The following MYO1C variants were observed in gnomAD, a reference collection of about 807,000 sequenced individuals.
The protein encoded by MYO1C is myosin IC.
A neutral mutation model predicts 150.8 loss-of-function variants in MYO1C; 104 were observed. The observed-to-expected ratio is 0.69, with a 90% confidence interval of 0.59 to 0.81. MYO1C has a LOEUF of 0.81. Among genes scored for constraint, MYO1C ranks in the 30% least tolerant of loss-of-function variants. The probability of loss-of-function intolerance (pLI) is 0.00; values close to 1 mark genes in which losing one functional copy is unlikely to be tolerated. For synonymous variants in MYO1C, 663 were observed against 579.9 expected (o/e 1.14, Z -2.06); for missense variants, 1,504 against 1,435.0 (o/e 1.05, Z -0.78).
In MYO1C at chr17:1,470,332, AGCCTGGGGTGG is replaced by A; in HGVS notation, c.2367-9_2368del. 7.3e-7 allele frequency: 1 copy of A among 1,373,290 alleles called. No individual in the cohort carries two copies. The highest frequency in any genetic ancestry group is 9.8e-7 in the Non-Finnish European group (1 of 1,021,078). The allele number at this position is 1,373,290 out of a possible 1,614,324, so 85.1% of individuals were successfully genotyped here. ...GTGGCGCAGGACGAAGCCTCGGATG[AGCCTGGGGTGG>A]GGGGCCAGACAGGGTTGGGGGTGAG... is the stretch of plus-strand genomic sequence containing the variant. On this transcript the variant is annotated splice_acceptor_variant and splice_polypyrimidine_tract_variant and coding_sequence_variant and intron_variant, in exon 24 of 32. Transcript: ENST00000648651. LOFTEE classifies it high-confidence loss of function.
chr17:1,480,908 G>T (rs1163856411), intron 5 of MYO1C, 23 bp from the exon 6 acceptor site: 4 of 1,612,662 alleles, frequency 2.5e-6, no homozygotes, highest in Non-Finnish European at 1.7e-6. Flanking sequence ...CAGGGCATGA[G>T]GCCGGGTCAC....
At chr17:1,472,266 G>A in intron 17 of MYO1C, 38 bp from the exon 18 acceptor site, 1 of 1,583,990 alleles carries the variant, frequency 6.3e-7, no homozygotes, top group Non-Finnish European at 8.7e-7. Context: ...GGCCGGAGCT[G>A]GGCTAAAGCT....
At chr17:1,485,940 C>T (rs2074648097) in intron 1 of MYO1C, 1 of 156,872 alleles carries the variant, frequency 6.4e-6, no homozygotes. Context: ...GGTCCGCGGG[C>T]CGGGGGCGGG....
At chr17:1,472,907 C>T (rs973082736) in intron 17 of MYO1C, among the ~76,000 whole-genome samples, 1 of 152,020 alleles carries the variant, frequency 6.6e-6, no homozygotes, top group East Asian at 1.9e-4. Flanking sequence ...GAGAAAAGAA[C>T]GAGGGGGCCG....
In MYO1C at chr17:1,482,537, G is replaced by A. The variant is rs757159355; in HGVS notation, c.568C>T (p.Leu190Phe). Residue 190 changes from leucine (L) to phenylalanine (F), a missense_variant, in exon 5 of 32, where the codon CTC becomes TTC. Leu to Phe is a conservative substitution (Grantham distance 22). Transcript: ENST00000648651. ...VLEAFGNAKT[L>F]RNDNSSRFGK... The stretch of plus-strand genomic sequence containing the variant: ...AACCTGCTGGAGTTATCGTTCCGGA[G>A]GGTCTTGGCATTTCCAAAGGCCTAG... The A allele has an allele frequency of 3.1e-6, 5 of 1,614,032 alleles. No individual in the cohort carries two copies. The Admixed American group carries it at 6.7e-5, about 22-fold the overall frequency.
chr17:1,485,768 G>GTAGCGCATCCTGCCAGGC, intron 1 of MYO1C: 1 of 1,016,238 alleles, frequency 9.8e-7, no homozygotes, highest in Non-Finnish European at 1.2e-6. Context: ...CCCGGGCTCG[G>GTAGCGCATCCTGCCAGGC]CGGCGGTGGC....
At chr17:1,470,762 C>A in intron 21 of MYO1C, 73 bp from the exon 22 acceptor site, 1 of 1,459,584 alleles carries the variant, frequency 6.9e-7, no homozygotes. Context: ...GTGTGCGCTC[C>A]ACGAGTGGCA....
intron 1 of MYO1C, among the ~76,000 whole-genome samples, chr17:1,490,279 C>T (rs2074713473): frequency 6.6e-6 from 1 of 151,454 alleles, no homozygotes; most frequent in South Asian, 2.1e-4. Flanking sequence ...AGGTGGATCA[C>T]AAGGTCAGGA....
At position 1,470,194 on chromosome 17, in the gene MYO1C, G is replaced by A. The variant is rs1226328963; in HGVS notation, c.2507C>T (p.Pro836Leu). Residue 836 changes from proline to leucine, a missense_variant, in exon 24 of 32, where the codon CCC (proline) becomes CTC (leucine). Physicochemically the swap from Pro to Leu is moderately conservative, Grantham distance 98. Transcript: ENST00000648651. ...ACAGACCTCACGCAGGGCAGGTGGG[G>A]GCGTGGGCCACGAGGTGTCCAGGAC... ...QNVLDTSWPT[P>L]PPALREASEL... 2 of 1,611,108 alleles carry A rather than the reference G, an allele frequency of 1.2e-6. No individual in the cohort carries two copies. The highest frequency in any genetic ancestry group is 3.3e-5 in the Admixed American group (2 of 59,906).
rs551371992 is a variant in MYO1C at position 1,469,944 on chromosome 17, A to G, written c.2526+231T>C. Among the ~76,000 whole-genome samples the G allele has an allele frequency of 1.4e-3, 217 of 152,244 alleles. 1 individual carries two copies. Among genetic ancestry groups the G allele is most frequent in the African/African-American group, 4.8e-3 (199 of 41,536 alleles). ...CAGCTACTCAGGAGGCTGAGGCAGGAGAATCGCTTGAACCCGGGAGGCGGA... is the reference window on the plus strand; with the variant it reads ...CAGCTACTCAGGAGGCTGAGGCAGGGGAATCGCTTGAACCCGGGAGGCGGA... On this transcript the variant is annotated intron_variant, in intron 24 of 31. Transcript: ENST00000648651.
rs1299998210 is a variant in MYO1C, at chr17:1,472,440, G to A, written c.1798-212C>T. ...GGCTGGGCGAGAGACCTCAGTCTAC[G>A]AGCCTCACTCCAGCCTAAAACTCCT... On this transcript the variant is annotated intron_variant, in intron 17 of 31. Transcript: ENST00000648651. 4.0e-5 allele frequency: 23 copies of A among 581,046 alleles called. No homozygotes were observed. The East Asian group carries it at 5.4e-4, about 14-fold the overall frequency. 36.0% of individuals were successfully genotyped at this position (581,046 alleles called of 1,614,324 possible).
rs1193332240 is a variant in MYO1C, at chr17:1,477,596, C to T, written c.1483G>A (p.Asp495Asn). ...EKFKGIISIL[D>N]EECLRPGEAT... ...TCCCCGGGGCGCAGACACTCCTCAT[C>T]CTGGGGGGTGTGGCACAGGGGGAAG... The change falls in exon 14 of 32, where the codon GAT (aspartate) becomes AAT (asparagine). Residue 495 changes from aspartate to asparagine, a missense_variant and splice_region_variant. Transcript: ENST00000648651. The T allele has an allele frequency of 1.2e-6, 2 of 1,612,456 alleles. No homozygotes were observed. Among genetic ancestry groups the T allele is most frequent in the Non-Finnish European group, 1.7e-6 (2 of 1,179,272 alleles).
chr17:1,482,911 G>T lies in MYO1C; in HGVS notation c.496C>A (p.Arg166Ser). The T allele has an allele frequency of 6.2e-7, 1 of 1,611,624 alleles. No homozygotes were observed. Among genetic ancestry groups the T allele is most frequent in the Non-Finnish European group, 8.5e-7 (1 of 1,179,838 alleles). Residue 166 changes from arginine to serine, a missense_variant, in exon 4 of 32, where the codon CGC becomes AGC. Arg to Ser is a moderately radical substitution (Grantham distance 110). Coordinates refer to ENST00000648651, the MANE Select transcript of MYO1C (RefSeq NM_001080779.2). ...AGCCGGTCCCGCACGGCACCTCCGC[G>T]CTCGGGGGCTGGGCAGGTCTCTGCA... ...FYAETCPAPE[R>S]GGAVRDRLLQ...
intron 1 of MYO1C, chr17:1,485,699 C>A: frequency 8.3e-7 from 1 of 1,200,310 alleles, no homozygotes; most frequent in African/African-American, 1.6e-5. Flanking sequence ...CTCACCGACG[C>A]CCGGTAGCGC....
Position 1,467,551 on chromosome 17 carries a change from G to A in MYO1C, c.2994C>T (p.His998=), listed in dbSNP as rs114214340. 1.6e-4 allele frequency: 256 copies of A among 1,613,368 alleles called. 1 individual carries two copies. In the African/African-American group the frequency reaches 2.9e-3, roughly 18 times the overall value. Residue 998 remains histidine, a synonymous_variant, in exon 30 of 32, where the codon CAC becomes CAT. Coordinates refer to ENST00000648651, the MANE Select transcript of MYO1C (RefSeq NM_001080779.2). ...CTGTCTTGGTCAGCGTCTCAATCAC[G>A]TGGTCACTCTGCAGCACCACATCTC... ...QKGDVVLQSD[H]VIETLTKTAL...
At chr17:1,481,826 T>TAAAAAAA in intron 5 of MYO1C, among the ~76,000 whole-genome samples, 1 of 134,536 alleles carries the variant, frequency 7.4e-6, no homozygotes, top group African/African-American at 2.8e-5. Context: ...TACTCAGAGT[T>TAAAAAAA]AAAAAAAAAA....
intron 5 of MYO1C, among the ~76,000 whole-genome samples, chr17:1,482,054 T>C (rs1003371025): frequency 3.3e-5 from 5 of 152,182 alleles, no homozygotes; most frequent in African/African-American, 1.2e-4. Context: ...CATTATTTTC[T>C]ATTTTTTTTA....
At chr17:1,480,184 C>T (rs1359983209) in intron 7 of MYO1C, among the ~76,000 whole-genome samples, 2 of 146,736 alleles carry the variant, frequency 1.4e-5, no homozygotes, top group Non-Finnish European at 3.0e-5. Flanking sequence ...TACTGGCCCA[C>T]GCCTGTAATC....
Position 1,477,926 on chromosome 17 carries a change from C to A in MYO1C, c.1447G>T (p.Val483Leu). Reference protein sequence around the residue: ...YFNNKIICDLVEEKFKGIISI... With the variant: ...YFNNKIICDLLEEKFKGIISI... ...ATGATGCCCTTAAACTTCTCCTCCA[C>A]CAGATCACAGATGATTTTGTTGTTG... The change falls in exon 13 of 32, where the codon GTG (valine) becomes TTG (leucine). Residue 483 changes from valine to leucine, a missense_variant. Transcript: ENST00000648651. 1 of 1,614,198 alleles carries A rather than the reference C, an allele frequency of 6.2e-7. No individual in the cohort carries two copies. The highest frequency in any genetic ancestry group is 8.5e-7 in the Non-Finnish European group (1 of 1,180,036).
Sources: gnomAD v4.1 joint callset for allele counts (sites outside exome capture counted in the v4.1 genomes callset) on GRCh38, gnomAD v4.1.1 for gene constraint, MANE v1.5 for transcripts, NCBI Gene and HGNC (gene_info 2026-07-23, HGNC 2026-07-21) for gene names.